The following RBFOX1 variants were observed in gnomAD, a reference collection of about 807,000 sequenced individuals.
RBFOX1 encodes the protein RNA binding protein fox-1 homolog 1.
In RBFOX1, 8 loss-of-function variants were observed where a neutral mutation model predicts 57.7. That is an observed-to-expected ratio of 0.14 (90% confidence interval 0.08 to 0.25). The LOEUF is 0.25. RBFOX1 is among the 10% of genes least tolerant of loss of function. The pLI, the probability that RBFOX1 is intolerant of heterozygous loss-of-function variation, is 1.00. For synonymous variants in RBFOX1, 326 were observed against 222.4 expected, an observed-to-expected ratio of 1.47 and a Z score of -4.15; for missense variants, 611 against 548.5, an observed-to-expected ratio of 1.11 and a Z score of -1.14.
intron 1 of RBFOX1, among the ~76,000 whole-genome samples, chr16:6,203,677 A>C (rs1408238124): frequency 6.6e-6 from 1 of 152,074 alleles, no homozygotes; most frequent in Non-Finnish European, 1.5e-5. Context: ...AAACAAACAA[A>C]CCCCCCAAAC....
chr16:6,486,334 T>G (rs2095481633), intron 2 of RBFOX1, among the ~76,000 whole-genome samples: 2 of 152,052 alleles, frequency 1.3e-5, no homozygotes, highest in Non-Finnish European at 2.9e-5. Context: ...GTTTTCTGTC[T>G]AAATTTATAA....
intron 2 of RBFOX1, among the ~76,000 whole-genome samples, chr16:6,499,424 T>C (rs917974471): frequency 2.6e-5 from 4 of 152,140 alleles, no homozygotes; most frequent in African/African-American, 9.7e-5. Flanking sequence ...AACTGTAGTA[T>C]GTGTTTTTAT....
At chr16:6,082,752 C>A (rs578100017) in intron 1 of RBFOX1, among the ~76,000 whole-genome samples, 1 of 152,214 alleles carries the variant, frequency 6.6e-6, no homozygotes, top group South Asian at 2.1e-4. Flanking sequence ...AGAACTAGGG[C>A]TGAGGCAGGA....
rs1026574939 is a variant in RBFOX1, at chr16:7,712,992, G to C, written c.*2247G>C. ...TTTAATAAAATCATTTAGAGTGAGT[G>C]AGTGCCAACCGATGTTGCAGAATCT... is the stretch of plus-strand genomic sequence containing the variant. On this transcript the variant is annotated 3_prime_UTR_variant, in exon 16 of 16. Transcript: ENST00000550418. 2 of 152,192 alleles carry C rather than the reference G, an allele frequency of 1.3e-5. No individual in the cohort carries two copies. Among genetic ancestry groups the C allele is most frequent in the Non-Finnish European group, 2.9e-5 (2 of 68,044 alleles). 9.4% of individuals were successfully genotyped at this position (152,192 alleles called of 1,614,324 possible). A position where few individuals can be genotyped will look rare whatever the true frequency, so the allele number is the denominator to read the frequency against.
chr16:7,053,444 C>T (rs145093320), intron 4 of RBFOX1, among the ~76,000 whole-genome samples: 1 of 152,128 alleles, frequency 6.6e-6, no homozygotes, highest in Non-Finnish European at 1.5e-5. Flanking sequence ...TAATGTATTA[C>T]AACTTTAGAT....
At chr16:6,139,442 A>G (rs1297727551) in intron 1 of RBFOX1, among the ~76,000 whole-genome samples, 1 of 152,154 alleles carries the variant, frequency 6.6e-6, no homozygotes, top group Non-Finnish European at 1.5e-5. Flanking sequence ...GCTGCAAGAG[A>G]AATCTCTTAC....
chr16:7,436,373 G>A (rs2098721377), intron 4 of RBFOX1, among the ~76,000 whole-genome samples: 1 of 152,168 alleles, frequency 6.6e-6, no homozygotes, highest in South Asian at 2.1e-4. Context: ...CACATATAGT[G>A]CGTGTCATAT....
chr16:5,571,352 C>T (rs1467954241), intron 2 of RBFOX1, among the ~76,000 whole-genome samples: 1 of 150,284 alleles, frequency 6.7e-6, no homozygotes, highest in African/African-American at 2.5e-5. Flanking sequence ...TCCCAAGTAG[C>T]TGGGATTACA....
chr16:6,184,260 A>G (rs2097090379), intron 1 of RBFOX1, among the ~76,000 whole-genome samples: 1 of 152,174 alleles, frequency 6.6e-6, no homozygotes, highest in African/African-American at 2.4e-5. Context: ...GACACAGCCA[A>G]ACCATATCAG....
At chr16:5,785,999 C>G (rs1223475999) in intron 3 of RBFOX1, among the ~76,000 whole-genome samples, 3 of 152,192 alleles carry the variant, frequency 2.0e-5, no homozygotes, top group Admixed American at 6.6e-5. Context: ...GCCATTTCTC[C>G]ATTGGACCAC....
intron 2 of RBFOX1, among the ~76,000 whole-genome samples, chr16:5,472,619 C>T (rs556800917): frequency 1.3e-5 from 2 of 152,156 alleles, no homozygotes; most frequent in Middle Eastern, 3.2e-3. Context: ...AGAGTGATTT[C>T]TGTGCTGCCC....
chr16:5,597,142 T>G (rs1043894770), intron 2 of RBFOX1, among the ~76,000 whole-genome samples: 8 of 151,554 alleles, frequency 5.3e-5, no homozygotes, highest in African/African-American at 1.5e-4. Flanking sequence ...CAGGAAAGAG[T>G]AGGTAGCTTC....
rs1389824833 is a variant in RBFOX1, at chr16:5,737,349, G to C, written c.319-129954G>C. Reference sequence around the variant, plus strand: ...AAGTACAAAAAGTTACCCAGGCGTGGTGGCGTGTGCCTGTAGTCCCAGCTA... The same window carrying C: ...AAGTACAAAAAGTTACCCAGGCGTGCTGGCGTGTGCCTGTAGTCCCAGCTA... On this transcript the variant is annotated intron_variant, in intron 3 of 19. Transcript: ENST00000641259. Among the ~76,000 whole-genome samples, 6 of 152,134 alleles carry C rather than the reference G, an allele frequency of 3.9e-5. No homozygotes were observed. The East Asian group carries it at 1.2e-3, about 30-fold the overall frequency.
At chr16:6,717,376 C>T (rs2065036465) in intron 3 of RBFOX1, among the ~76,000 whole-genome samples, 1 of 152,172 alleles carries the variant, frequency 6.6e-6, no homozygotes, top group South Asian at 2.1e-4. Flanking sequence ...TATTACTCAA[C>T]TGTGCATCTT....
intron 3 of RBFOX1, among the ~76,000 whole-genome samples, chr16:5,764,145 G>T (rs2053690717): frequency 1.2e-5 from 1 of 85,534 alleles, no homozygotes; most frequent in African/African-American, 3.3e-5. Context: ...CTGTGGGGCA[G>T]TAGGGTGTGG....
chr16:7,454,573 C>A (rs2058096474), intron 4 of RBFOX1, among the ~76,000 whole-genome samples: 1 of 152,018 alleles, frequency 6.6e-6, no homozygotes, highest in Admixed American at 6.6e-5. Context: ...GGGTTATGTC[C>A]CCTACCTTGG....
At chr16:5,620,400 C>T (rs1395235618) in intron 3 of RBFOX1, among the ~76,000 whole-genome samples, 3 of 152,196 alleles carry the variant, frequency 2.0e-5, no homozygotes, top group Admixed American at 1.3e-4. Context: ...ACTTTCTGTT[C>T]TCAGTGCTGC....
chr16:6,736,984 C>T (rs2070546991), intron 3 of RBFOX1, among the ~76,000 whole-genome samples: 1 of 152,144 alleles, frequency 6.6e-6, no homozygotes, highest in African/African-American at 2.4e-5. Context: ...CCTGTATTCG[C>T]CACTTATCCC....
chr16:7,165,668 A>G (rs866303063), intron 4 of RBFOX1, among the ~76,000 whole-genome samples: 7 of 151,800 alleles, frequency 4.6e-5, no homozygotes, highest in East Asian at 2.0e-4. Flanking sequence ...ATCTCAGGTG[A>G]TCTGCCTGCC....
Sources: gnomAD v4.1 joint callset for allele counts (sites outside exome capture counted in the v4.1 genomes callset) on GRCh38, gnomAD v4.1.1 for gene constraint, MANE v1.5 for transcripts, NCBI Gene and HGNC (gene_info 2026-07-23, HGNC 2026-07-21) for gene names.